Variants in MALRD1 observed in about 807,000 individuals in gnomAD.
The protein encoded by MALRD1 is MAM and LDL receptor class A domain containing 1.
In MALRD1, 247 loss-of-function variants were observed where a neutral mutation model predicts 242.1. The observed-to-expected ratio is 1.02, with a 90% CI of 0.92 to 1.13. The LOEUF (loss-of-function observed/expected upper bound fraction) is 1.13, where lower values mean the gene tolerates loss of function less well. Among genes scored for constraint, MALRD1 ranks in the 50% most tolerant of loss-of-function variants. The probability of loss-of-function intolerance (pLI) is 0.00; values close to 1 mark genes in which losing one functional copy is unlikely to be tolerated. For missense variants in MALRD1, 2,989 were observed against 2,533.1 expected (o/e 1.18, Z -3.86); for synonymous variants, 995 against 866.6 (o/e 1.15, Z -2.60).
intron 31 of MALRD1, 55 bp from the exon 32 acceptor site, chr10:19,531,139 C>G: frequency 4.3e-6 from 6 of 1,401,964 alleles, no homozygotes; most frequent in Non-Finnish European, 5.8e-6. Context: ...AAACACATTC[C>G]GACTCATGCG....
At chr10:19,113,822 C>CACACAG (rs1230790133) in intron 5 of MALRD1, among the ~76,000 whole-genome samples, 5 of 147,942 alleles carry the variant, frequency 3.4e-5, no homozygotes, top group Non-Finnish European at 7.7e-5. Context: ...CACACACACA[C>CACACAG]ACACACACAG....
intron 38 of MALRD1, among the ~76,000 whole-genome samples, chr10:19,718,411 C>A (rs912343250): frequency 6.6e-6 from 1 of 152,170 alleles, no homozygotes; most frequent in Non-Finnish European, 1.5e-5. Flanking sequence ...AAGCACATCA[C>A]GTAGCAAGAG....
intron 5 of MALRD1, among the ~76,000 whole-genome samples, chr10:19,108,959 A>T (rs1349785064): frequency 2.6e-5 from 4 of 152,116 alleles, no homozygotes; most frequent in Non-Finnish European, 5.9e-5. Flanking sequence ...ATTTTATAGA[A>T]TGGCTTTCAG....
intron 14 of MALRD1, among the ~76,000 whole-genome samples, chr10:19,184,430 C>T (rs7087777): frequency 0.29 from 44,526 of 152,068 alleles, 6,933 homozygotes; most frequent in Admixed American, 0.37. Context: ...GCTACCTCAT[C>T]ATTTTTGAAA....
intron 38 of MALRD1, among the ~76,000 whole-genome samples, chr10:19,726,570 G>A (rs958551169): frequency 6.6e-6 from 1 of 152,094 alleles, no homozygotes; most frequent in Admixed American, 6.6e-5. Flanking sequence ...AAGAGTTACC[G>A]TGTGTTCTAT....
intron 1 of MALRD1, among the ~76,000 whole-genome samples, chr10:19,060,608 G>C (rs1036912550): frequency 2.0e-5 from 3 of 152,100 alleles, no homozygotes; most frequent in Non-Finnish European, 4.4e-5. Flanking sequence ...TATGCCCTCT[G>C]TTATTCAGAC....
intron 32 of MALRD1, among the ~76,000 whole-genome samples, chr10:19,560,448 G>A (rs193216336): frequency 1.2e-3 from 188 of 152,158 alleles, no homozygotes; most frequent in African/African-American, 4.2e-3. Context: ...CCAGCCTGGC[G>A]ACAGAGTGAG....
chr10:19,400,821 G>C (rs941879550), intron 28 of MALRD1, among the ~76,000 whole-genome samples: 13 of 152,100 alleles, frequency 8.5e-5, no homozygotes, highest in African/African-American at 3.1e-4. Context: ...TTTGAGACCA[G>C]CCTGGTCAAT....
intron 38 of MALRD1, among the ~76,000 whole-genome samples, chr10:19,694,455 A>T (rs1391171478): frequency 6.6e-6 from 1 of 152,358 alleles, no homozygotes. Context: ...TTATGCAGCC[A>T]ACAGACACAT....
At chr10:19,353,197 G>A (rs1331828073) in intron 26 of MALRD1, among the ~76,000 whole-genome samples, 2 of 151,794 alleles carry the variant, frequency 1.3e-5, no homozygotes, top group Admixed American at 1.3e-4. Context: ...TGCAGAGATG[G>A]GGTCTCACTG....
intron 12 of MALRD1, among the ~76,000 whole-genome samples, chr10:19,159,877 A>G (rs72790781): frequency 0.059 from 8,962 of 152,126 alleles, 340 homozygotes; most frequent in Middle Eastern, 0.11. Context: ...AAAATATATG[A>G]TTTAATGTAT....
intron 33 of MALRD1, among the ~76,000 whole-genome samples, chr10:19,589,036 A>T (rs1837610720): frequency 6.6e-6 from 1 of 152,248 alleles, no homozygotes. Context: ...AGACAAGGGT[A>T]AACATTTTAT....
At chr10:19,340,164 G>A (rs1368223023) in intron 24 of MALRD1, among the ~76,000 whole-genome samples, 1 of 152,116 alleles carries the variant, frequency 6.6e-6, no homozygotes, top group East Asian at 1.9e-4. Flanking sequence ...AGATGTCTAT[G>A]TTTACGGGTT....
intron 29 of MALRD1, among the ~76,000 whole-genome samples, chr10:19,458,485 A>G (rs1193494842): frequency 2.0e-5 from 3 of 152,316 alleles, no homozygotes; most frequent in African/African-American, 4.8e-5. Flanking sequence ...AAGAATTTTG[A>G]TTATCAAAAG....
chr10:19,689,721 A>G (rs537464856), intron 36 of MALRD1, among the ~76,000 whole-genome samples: 4 of 152,274 alleles, frequency 2.6e-5, no homozygotes, highest in Admixed American at 1.3e-4. Context: ...AAAGTTATCC[A>G]TGTTCCTGGT....
rs187741709 is a variant in MALRD1 at position 19,567,482 on chromosome 10, T to A, written c.5479-20T>A. 11 of 1,541,370 alleles carry A rather than the reference T, an allele frequency of 7.1e-6. No homozygotes were observed. In the East Asian group the frequency reaches 2.4e-4, roughly 34 times the overall value. ...TCTAATATCCAATCATAAAAAGTTA[T>A]TTTTTAATGATTTTTAAAGGTGTAT... On this transcript the variant is annotated intron_variant, in intron 32 of 39. Transcript: ENST00000454679.
intron 26 of MALRD1, among the ~76,000 whole-genome samples, chr10:19,363,214 T>C (rs1250096179): frequency 2.0e-5 from 3 of 152,118 alleles, no homozygotes; most frequent in Non-Finnish European, 4.4e-5. Flanking sequence ...GAATAGACAT[T>C]TATTCCTTGA....
intron 36 of MALRD1, among the ~76,000 whole-genome samples, chr10:19,670,876 A>G (rs982605381): frequency 2.7e-5 from 4 of 149,216 alleles, no homozygotes; most frequent in African/African-American, 1.0e-4. Flanking sequence ...CAACAAAACA[A>G]TCATTTTTTT....
intron 7 of MALRD1, among the ~76,000 whole-genome samples, chr10:19,125,039 G>C (rs1837208317): frequency 8.2e-6 from 1 of 122,470 alleles, no homozygotes; most frequent in Non-Finnish European, 1.6e-5. Flanking sequence ...CCCGCCTCCT[G>C]GGTTCAAGTG....
Sources: gnomAD v4.1 joint callset for allele counts (sites outside exome capture counted in the v4.1 genomes callset) on GRCh38, gnomAD v4.1.1 for gene constraint, MANE v1.5 for transcripts, NCBI Gene and HGNC (gene_info 2026-07-23, HGNC 2026-07-21) for gene names.